The following MDC1 variants were observed in gnomAD, a reference collection of about 807,000 sequenced individuals.
MDC1 encodes mediator of DNA damage checkpoint protein 1.
In MDC1, 81 loss-of-function variants were observed where a neutral mutation model predicts 142.5. The ratio of observed to expected loss-of-function variants is 0.57; its 90% confidence interval spans 0.47 to 0.68. The LOEUF is 0.68. MDC1 is among the 30% of genes least tolerant of loss of function. The pLI, the probability that MDC1 is intolerant of heterozygous loss-of-function variation, is 0.00. For missense variants in MDC1, 2,119 were observed against 2,547.9 expected, an observed-to-expected ratio of 0.83 and a Z score of 3.62; for synonymous variants, 797 against 968.4, an observed-to-expected ratio of 0.82 and a Z score of 3.29.
Position 30,703,069 on chromosome 6 carries a change from C to T in MDC1, c.5865+35G>A, listed in dbSNP as rs774007940. On this transcript the variant is annotated intron_variant, in intron 12 of 14. Coordinates refer to ENST00000376406, the MANE Select transcript of MDC1 (RefSeq NM_014641.3). This position sits in a 1 kb window ranked among gnomAD's most constrained non-coding sequence, Gnocchi z 4.4. ...GGGCACTATATGAGCAGTCTTGCCA[C>T]TATATCGGTCTGTCATCATCCCTTG... 1 of 1,599,736 alleles carries T rather than the reference C, an allele frequency of 6.3e-7. No individual in the cohort carries two copies. The highest frequency in any genetic ancestry group is 8.5e-7 in the Non-Finnish European group (1 of 1,171,170).
chr6:30,714,536 G>C (rs1171282344), intron 2 of MDC1, among the ~76,000 whole-genome samples: 2 of 148,918 alleles, frequency 1.3e-5, no homozygotes, highest in East Asian at 3.9e-4. Flanking sequence ...TTTTGAGACA[G>C]GGTCTCATTC....
rs376332154 is a variant in MDC1 at position 30,703,384 on chromosome 6, G to A, written c.5682+34C>T. The A allele has an allele frequency of 5.0e-6, 8 of 1,613,310 alleles. No individual in the cohort carries two copies. The highest frequency in any genetic ancestry group is 3.3e-5 in the Admixed American group (2 of 59,998). ...CTCCTTGCATCCTCCCCTCATCTCT[G>A]TCTCCCACAAAGTCCCATGCCTTTG... On this transcript the variant is annotated intron_variant, in intron 11 of 14. Transcript: ENST00000376406. The surrounding 1 kb of genome is among the most constrained non-coding windows in gnomAD (Gnocchi z 4.4).
At chr6:30,707,508 G>A in intron 8 of MDC1, 54 bp from the exon 9 acceptor site, 1 of 1,613,026 alleles carries the variant, frequency 6.2e-7, no homozygotes, top group Non-Finnish European at 8.5e-7. Context: ...TGGTTGCCCA[G>A]GGGTTGATTA....
intron 14 of MDC1, 61 bp downstream of exon 14, chr6:30,702,492 T>C: frequency 7.4e-7 from 1 of 1,344,126 alleles, no homozygotes; most frequent in Non-Finnish European, 1.0e-6. Context: ...TCTTTGCCAT[T>C]CCAGCCACCT....
Position 30,713,939 on chromosome 6 carries a change from G to C in MDC1, c.381C>G (p.Leu127=). Residue 127 remains leucine (L), a synonymous_variant, in exon 3 of 15, where the codon CTC becomes CTG. Transcript: ENST00000376406. This position sits in a 1 kb window ranked among gnomAD's most constrained non-coding sequence, Gnocchi z 4.9. ...DQELILFADL[L]CQYHRLDVSL... ...AGACATCCAGGCGATGGTACTGGCA[G>C]AGCAAGTCAGCAAAGAGAATCAATT... 7 of 1,613,214 alleles carry C rather than the reference G, an allele frequency of 4.3e-6. No homozygotes were observed. The highest frequency in any genetic ancestry group is 5.9e-6 in the Non-Finnish European group (7 of 1,180,042).
chr6:30,708,315 A>C lies in MDC1; in HGVS notation c.2264T>G (p.Phe755Cys). The C allele has an allele frequency of 6.2e-7, 1 of 1,612,584 alleles. No homozygotes were observed. The highest frequency in any genetic ancestry group is 2.2e-5 in the East Asian group (1 of 44,886). ...AGAGTCCTCAGACTCTCTCAGACAG[A>C]ATGGCTGTGTAGCCAGGACCTCCCA... is the stretch of plus-strand genomic sequence containing the variant. ...EPWEVLATQP[F>C]CLRESEDSET... The change falls in exon 8 of 15, where the codon TTC becomes TGC. Residue 755 changes from phenylalanine (F) to cysteine (C), a missense_variant. Phe to Cys is a radical substitution (Grantham distance 205). Transcript: ENST00000376406.
chr6:30,700,366 A>G lies in MDC1; in HGVS notation c.*99T>C. 8.1e-7 allele frequency: 1 copy of G among 1,239,396 alleles called. No individual in the cohort carries two copies. The highest frequency in any genetic ancestry group is 1.1e-6 in the Non-Finnish European group (1 of 911,982). 76.8% of individuals were successfully genotyped at this position (1,239,396 alleles called of 1,614,324 possible). ...CTGGTCCCACCCATGTTCCAGGACA[A>G]GTTGTATCAATATACCCCAATCCTT... is the stretch of plus-strand genomic sequence containing the variant. On this transcript the variant is annotated 3_prime_UTR_variant, in exon 15 of 15. Transcript: ENST00000376406.
rs1313096697 is a variant in MDC1, at chr6:30,712,437, T to A, written c.1505A>T (p.Asp502Val). 2 of 1,612,932 alleles carry A rather than the reference T, an allele frequency of 1.2e-6. No homozygotes were observed. The highest frequency in any genetic ancestry group is 2.7e-5 in the African/African-American group (2 of 74,920). The stretch of plus-strand genomic sequence containing the variant: ...CAGGTGGATCCCAGGTGAGCTCTTA[T>A]CTGCTTCCACACTGTCATCACTGTC... ...FGDSDDSVEADKSSPGIHLER... is the reference protein window; with the variant it reads ...FGDSDDSVEAVKSSPGIHLER... Residue 502 changes from aspartate to valine, a missense_variant, in exon 5 of 15, where the codon GAT becomes GTT. Transcript: ENST00000376406. The surrounding 1 kb of genome is among the most constrained non-coding windows in gnomAD (Gnocchi z 4.7).
At position 30,712,262 on chromosome 6, in the gene MDC1, T is replaced by C; in HGVS notation, c.1680A>G (p.Ala560=). ...CCTCTAGAGATACCACAAGCAGCTT[T>C]GCTGGTCCCCCAACTGCTTTCACAT... is the stretch of plus-strand genomic sequence containing the variant. ...QTDVKAVGGP[A]KLLVVSLEEA... is the part of the protein sequence containing the mutation. Residue 560 remains alanine (A), a synonymous_variant, in exon 5 of 15, where the codon GCA becomes GCG. Coordinates refer to ENST00000376406, the MANE Select transcript of MDC1 (RefSeq NM_014641.3). The surrounding 1 kb of genome is among the most constrained non-coding windows in gnomAD (Gnocchi z 4.7). 1.2e-6 allele frequency: 2 copies of C among 1,613,116 alleles called. No individual in the cohort carries two copies. Among genetic ancestry groups the C allele is most frequent in the Non-Finnish European group, 1.7e-6 (2 of 1,180,036 alleles).
chr6:30,700,737 A>C, intron 14 of MDC1, 105 bp from the exon 15 acceptor site: 4 of 1,187,500 alleles, frequency 3.4e-6, no homozygotes, highest in Non-Finnish European at 3.6e-6. Flanking sequence ...ACCTCCTAAT[A>C]TGAAGCCAAG....
intron 7 of MDC1, among the ~76,000 whole-genome samples, chr6:30,711,186 C>A (rs899340764): frequency 2.0e-5 from 3 of 152,258 alleles, no homozygotes; most frequent in Admixed American, 6.5e-5. Flanking sequence ...ACCAGCCTGG[C>A]CAACATGGTG....
At chr6:30,702,963 T>C in intron 12 of MDC1, 86 bp from the exon 13 acceptor site, 1 of 1,599,862 alleles carries the variant, frequency 6.3e-7, no homozygotes. Flanking sequence ...GCTCACAAAA[T>C]GTCTTTTAAA....
chr6:30,706,031 T>A lies in MDC1; in HGVS notation c.3152A>T (p.Lys1051Met). Residue 1051 changes from lysine (K) to methionine (M), a missense_variant, in exon 10 of 15, where the codon AAG becomes ATG. By Grantham distance (95) the Lys-to-Met change is moderately conservative. Coordinates refer to ENST00000376406, the MANE Select transcript of MDC1 (RefSeq NM_014641.3). Reference sequence around the variant, plus strand: ...TTTCTGGCTCTGAGAGTTAAGGGGCTTTTGGGGTGGGGCTGGGGCTTCAGG... The same window carrying A: ...TTTCTGGCTCTGAGAGTTAAGGGGCATTTGGGGTGGGGCTGGGGCTTCAGG... ...TVPEAPAPPQ[K>M]PLNSQSQKHL... The A allele has an allele frequency of 6.2e-7, 1 of 1,604,550 alleles. No homozygotes were observed. The highest frequency in any genetic ancestry group is 8.5e-7 in the Non-Finnish European group (1 of 1,179,742).
chr6:30,714,267 C>G (rs1384201515), intron 2 of MDC1, 84 bp from the exon 3 acceptor site: 5 of 1,398,032 alleles, frequency 3.6e-6, no homozygotes, highest in Non-Finnish European at 3.8e-6. Flanking sequence ...TACTCTACTA[C>G]TCACTCAAGG....
Position 30,706,028 on chromosome 6 carries a change from G to A in MDC1, c.3155C>T (p.Pro1052Leu). The change falls in exon 10 of 15, where the codon CCC becomes CTC. Residue 1052 changes from proline to leucine, a missense_variant. Physicochemically the swap from Pro to Leu is moderately conservative, Grantham distance 98. Coordinates refer to ENST00000376406, the MANE Select transcript of MDC1 (RefSeq NM_014641.3). ...VPEAPAPPQK[P>L]LNSQSQKHLA... ...ATGTTTCTGGCTCTGAGAGTTAAGGGGCTTTTGGGGTGGGGCTGGGGCTTC... is the reference window on the plus strand; with the variant it reads ...ATGTTTCTGGCTCTGAGAGTTAAGGAGCTTTTGGGGTGGGGCTGGGGCTTC... 6.2e-7 allele frequency: 1 copy of A among 1,605,364 alleles called. No individual in the cohort carries two copies. The highest frequency in any genetic ancestry group is 8.5e-7 in the Non-Finnish European group (1 of 1,179,840).
At chr6:30,702,016 A>G (rs979487289) in intron 14 of MDC1, among the ~76,000 whole-genome samples, 1 of 151,902 alleles carries the variant, frequency 6.6e-6, no homozygotes, top group Non-Finnish European at 1.5e-5. Flanking sequence ...TAATCCCAGC[A>G]CTTTGAGAGG....
Position 30,707,693 on chromosome 6 carries a change from G to T in MDC1, c.2886C>A (p.Ala962=), listed in dbSNP as rs764825029. 6.2e-7 allele frequency: 1 copy of T among 1,612,970 alleles called. No homozygotes were observed. Among genetic ancestry groups the T allele is most frequent in the South Asian group, 1.1e-5 (1 of 91,086 alleles). Residue 962 remains alanine, a synonymous_variant, in exon 8 of 15, where the codon GCC becomes GCA. Transcript: ENST00000376406. ...CCCCAGGCTCTGGTGTTGGGCTGGA[G>T]GCCTGCCCTTTCTGGTCCTGGCTCC... ...EGGSQDQKGQ[A]SSPTPEPGVG... is the part of the protein sequence containing the mutation.
chr6:30,704,715 C>A lies in MDC1; in HGVS notation c.4468G>T (p.Val1490Phe). ...RSSVKTPETVVPTAPELQASA... is the reference protein window; with the variant it reads ...RSSVKTPETVFPTAPELQASA... ...GCCTGTAGCTCAGGGGCTGTGGGGA[C>A]AACTGTTTCAGGAGTCTTGACAGAG... Residue 1490 changes from valine (V) to phenylalanine (F), a missense_variant, in exon 10 of 15, where the codon GTC becomes TTC. Physicochemically the swap from Val to Phe is conservative, Grantham distance 50. Transcript: ENST00000376406. 1 of 1,611,840 alleles carries A rather than the reference C, an allele frequency of 6.2e-7. No individual in the cohort carries two copies. The highest frequency in any genetic ancestry group is 1.3e-5 in the African/African-American group (1 of 74,418).
Position 30,705,810 on chromosome 6 carries a change from G to A in MDC1, c.3373C>T (p.Pro1125Ser). 8 of 1,612,798 alleles carry A rather than the reference G, an allele frequency of 5.0e-6. No homozygotes were observed. The highest frequency in any genetic ancestry group is 6.8e-6 in the Non-Finnish European group (8 of 1,179,298). Residue 1125 changes from proline (P) to serine (S), a missense_variant, in exon 10 of 15, where the codon CCT becomes TCT. By Grantham distance (74) the Pro-to-Ser change is moderately conservative (BLOSUM62 -1). Coordinates refer to ENST00000376406, the MANE Select transcript of MDC1 (RefSeq NM_014641.3). Reference sequence around the variant, plus strand: ...GTGGAGGTGGAAGGGTGGGGCTCAGGGGCAGCAGAGGTAGCTGGAAAGGGT... The same window carrying A: ...GTGGAGGTGGAAGGGTGGGGCTCAGAGGCAGCAGAGGTAGCTGGAAAGGGT... ...MTPFPATSAA[P>S]EPHPSTSTAQ...
Sources: gnomAD v4.1 joint callset for allele counts (sites outside exome capture counted in the v4.1 genomes callset) on GRCh38, gnomAD v4.1.1 for gene constraint, Gnocchi (gnomAD v3.1) non-coding constraint, MANE v1.5 for transcripts, NCBI Gene and HGNC (gene_info 2026-07-23, HGNC 2026-07-21) for gene names.